The following CBLB variants were observed in gnomAD, a reference collection of about 807,000 sequenced individuals.
CBLB encodes the protein Cbl proto-oncogene B.
CBLB carries 31 observed loss-of-function variants against 104.9 expected under a neutral mutation model. The observed-to-expected ratio is 0.30, with a 90% CI of 0.22 to 0.40. The LOEUF (loss-of-function observed/expected upper bound fraction) is 0.40. Ranked by LOEUF, CBLB falls within the 10% of genes least tolerant of loss-of-function variation. CBLB has a pLI of 1.00. For missense variants in CBLB, 1,062 were observed against 1,214.6 expected (o/e 0.87, Z 1.87); for synonymous variants, 440 against 422.6 (o/e 1.04, Z -0.51).
At chr3:105,689,706 A>T (rs2067435162) in intron 13 of CBLB, among the ~76,000 whole-genome samples, 3 of 151,628 alleles carry the variant, frequency 2.0e-5, no homozygotes. Context: ...AAATAAATAT[A>T]ATTTAGTAAA....
At chr3:105,673,872 A>T (rs1206757453) in intron 17 of CBLB, 1 of 152,230 alleles carries the variant, frequency 6.6e-6, no homozygotes, top group Non-Finnish European at 1.5e-5. Context: ...ACTCTCGTCT[A>T]CATCCAAGGT....
At chr3:105,769,275 G>A (rs1269536304) in intron 4 of CBLB, among the ~76,000 whole-genome samples, 5 of 152,050 alleles carry the variant, frequency 3.3e-5, no homozygotes, top group South Asian at 4.2e-4. Flanking sequence ...CCGAGATGGC[G>A]CCATTGCACT....
At chr3:105,669,247 G>A (rs1398712814) in intron 18 of CBLB, among the ~76,000 whole-genome samples, 1 of 152,162 alleles carries the variant, frequency 6.6e-6, no homozygotes, top group Non-Finnish European at 1.5e-5. Context: ...GATATTTGGA[G>A]GGGAGGCTTT....
chr3:105,858,425 A>G (rs949480428), intron 2 of CBLB, among the ~76,000 whole-genome samples: 8 of 152,200 alleles, frequency 5.3e-5, no homozygotes, highest in African/African-American at 1.4e-4. Flanking sequence ...GAGAAAATCA[A>G]GCTCACCACC....
At chr3:105,711,316 C>T (rs56100800) in intron 10 of CBLB, among the ~76,000 whole-genome samples, 146 of 145,788 alleles carry the variant, frequency 1.0e-3, no homozygotes, top group Non-Finnish European at 1.7e-3. Flanking sequence ...TCTATAAATG[C>T]GTGAAAATTA....
intron 3 of CBLB, among the ~76,000 whole-genome samples, chr3:105,796,413 T>C (rs2082261776): frequency 6.6e-6 from 1 of 152,142 alleles, no homozygotes; most frequent in African/African-American, 2.4e-5. Context: ...AACTAGACCC[T>C]TTCCCTTACA....
At chr3:105,675,792 G>C (rs1169807929) in intron 17 of CBLB, among the ~76,000 whole-genome samples, 1 of 149,688 alleles carries the variant, frequency 6.7e-6, no homozygotes, top group Non-Finnish European at 1.5e-5. Flanking sequence ...GGTAGAGGCA[G>C]GAGAATCACT....
chr3:105,765,554 C>T (rs1291751050), intron 4 of CBLB, among the ~76,000 whole-genome samples: 1 of 152,090 alleles, frequency 6.6e-6, no homozygotes, highest in Non-Finnish European at 1.5e-5. Flanking sequence ...CAGGCTGACT[C>T]TTGTTAGTGG....
At chr3:105,737,919 T>C (rs547656088) in intron 7 of CBLB, among the ~76,000 whole-genome samples, 1 of 152,300 alleles carries the variant, frequency 6.6e-6, no homozygotes, top group Admixed American at 6.5e-5. Flanking sequence ...AGATACAAGG[T>C]TCTATTATCA....
Position 105,693,567 on chromosome 3 carries a change from C to T in CBLB, c.1981G>A (p.Gly661Arg), listed in dbSNP as rs1172336890. Reference sequence around the variant, plus strand: ...GGAGGAACATCATATTCTTCACTTCCAAGGTGACCATTGGAAAAGACCTGA... The same window carrying T: ...GGAGGAACATCATATTCTTCACTTCTAAGGTGACCATTGGAAAAGACCTGA... ...GAKVFSNGHL[G>R]SEEYDVPPRL... The change falls in exon 13 of 19, where the codon GGA becomes AGA. Residue 661 changes from glycine (G) to arginine (R), a missense_variant. Around this residue, in one of 2 missense-constraint regions of CBLB, gnomAD observed 605 missense variants for 582.6 expected, o/e 1.04. Transcript: ENST00000394030. 6.2e-7 allele frequency: 1 copy of T among 1,611,892 alleles called. No homozygotes were observed. The highest frequency in any genetic ancestry group is 8.5e-7 in the Non-Finnish European group (1 of 1,178,308).
chr3:105,785,630 T>C (rs775882681), intron 3 of CBLB, among the ~76,000 whole-genome samples: 1 of 152,164 alleles, frequency 6.6e-6, no homozygotes, highest in Non-Finnish European at 1.5e-5. Flanking sequence ...TCCTTATTGA[T>C]ACCTGTGTCT....
chr3:105,661,928 C>T (rs1001863405), intron 18 of CBLB, among the ~76,000 whole-genome samples: 3 of 152,088 alleles, frequency 2.0e-5, no homozygotes, highest in Admixed American at 6.6e-5. Flanking sequence ...ATGATAAGTG[C>T]TATACTCAAA....
chr3:105,661,556 G>A (rs1006093749), intron 18 of CBLB, among the ~76,000 whole-genome samples: 14 of 152,046 alleles, frequency 9.2e-5, no homozygotes, highest in African/African-American at 1.7e-4. Context: ...TGTTTTCTAC[G>A]GGTAATTTTC....
chr3:105,702,566 C>T lies in CBLB; in HGVS notation c.1594-107G>A, dbSNP rs1045637004. ...GTATTATTGCTTTAATTTTCTAAGC[C>T]AAACAAGGAGTTTTACTAGATTCCT... On this transcript the variant is annotated intron_variant, in intron 11 of 18. Transcript: ENST00000394030. 73 of 1,212,238 alleles carry T rather than the reference C, an allele frequency of 6.0e-5. 2 individuals are homozygous for T. The Middle Eastern group carries it at 8.5e-4, about 14-fold the overall frequency. 75.1% of individuals were successfully genotyped at this position (1,212,238 alleles called of 1,614,324 possible).
chr3:105,798,841 A>C (rs898464318), intron 3 of CBLB, among the ~76,000 whole-genome samples: 2 of 152,188 alleles, frequency 1.3e-5, no homozygotes, highest in African/African-American at 4.8e-5. Context: ...AAATCTCCTA[A>C]CTGCCTGCCT....
chr3:105,859,569 G>C (rs906177927), intron 2 of CBLB, among the ~76,000 whole-genome samples: 3 of 150,618 alleles, frequency 2.0e-5, no homozygotes, highest in African/African-American at 4.9e-5. Context: ...GCAGGAGAAT[G>C]GCGTGAACCC....
chr3:105,698,247 T>A (rs1226587586), intron 12 of CBLB, among the ~76,000 whole-genome samples: 3 of 152,006 alleles, frequency 2.0e-5, no homozygotes, highest in Non-Finnish European at 2.9e-5. Context: ...TAGAATAATT[T>A]TTTCCTCAGA....
intron 17 of CBLB, among the ~76,000 whole-genome samples, chr3:105,677,094 GACCGGAATGGATTATGAC>G (rs2065736788): frequency 1.3e-5 from 2 of 152,010 alleles, no homozygotes; most frequent in South Asian, 4.1e-4. Flanking sequence ...TTCCTGCTTG[GACCGGAATGGATTATGAC>G]ACTAGTGCTT....
intron 12 of CBLB, 106 bp from the exon 13 acceptor site, chr3:105,693,694 T>C: frequency 1.3e-6 from 1 of 752,360 alleles, no homozygotes; most frequent in Non-Finnish European, 2.4e-6. Flanking sequence ...TCAGTATATT[T>C]AAATAAGTGA....
Sources: gnomAD v4.1 joint callset for allele counts (sites outside exome capture counted in the v4.1 genomes callset) on GRCh38, gnomAD v4.1.1 for gene constraint, gnomAD v4.1.1 regional missense constraint, MANE v1.5 for transcripts, NCBI Gene and HGNC (gene_info 2026-07-23, HGNC 2026-07-21) for gene names.